The following TPO variants were observed in gnomAD, a reference collection of about 807,000 sequenced individuals.
TPO encodes thyroid peroxidase.
In TPO, 78 loss-of-function variants were observed where a neutral mutation model predicts 96.9. The observed-to-expected ratio is 0.81, with a 90% confidence interval of 0.67 to 0.97. The LOEUF is 0.97. TPO is among the 50% of genes least tolerant of loss of function. TPO has a pLI of 0.00. For missense variants in TPO, 1,252 were observed against 1,274.8 expected (o/e 0.98, Z 0.27); for synonymous variants, 547 against 538.0 (o/e 1.02, Z -0.23).
intron 1 of TPO, among the ~76,000 whole-genome samples, chr2:1,402,618 C>T (rs897857372): frequency 2.0e-5 from 3 of 152,052 alleles, no homozygotes; most frequent in Admixed American, 1.3e-4. Flanking sequence ...AGGTGAAAGG[C>T]ATGTCTTACA....
Position 1,542,533 on chromosome 2 carries a change from C to A in TPO, c.*59C>A. On this transcript the variant is annotated 3_prime_UTR_variant, in exon 17 of 17. Transcript: ENST00000329066. Reference sequence around the variant, plus strand: ...ATGTTCCCAAAATCACCGTACGACTCTTTTCCAAACACAGGCAAATCCGAA... The same window carrying A: ...ATGTTCCCAAAATCACCGTACGACTATTTTCCAAACACAGGCAAATCCGAA... 6.2e-7 allele frequency: 1 copy of A among 1,609,632 alleles called. No homozygotes were observed. The highest frequency in any genetic ancestry group is 8.5e-7 in the Non-Finnish European group (1 of 1,177,902).
At chr2:1,539,216 T>C (rs1044537767) in intron 15 of TPO, among the ~76,000 whole-genome samples, 1 of 152,212 alleles carries the variant, frequency 6.6e-6, no homozygotes, top group Non-Finnish European at 1.5e-5. Context: ...TGCTTTCACA[T>C]CGCACGAACA....
At chr2:1,457,667 A>G (rs1055384285) in intron 7 of TPO, among the ~76,000 whole-genome samples, 5 of 151,718 alleles carry the variant, frequency 3.3e-5, no homozygotes, top group African/African-American at 1.2e-4. Flanking sequence ...ACATGCATAT[A>G]TAGCATATAT....
At chr2:1,515,216 C>T (rs1226645095) in intron 14 of TPO, among the ~76,000 whole-genome samples, 6 of 152,250 alleles carry the variant, frequency 3.9e-5, no homozygotes, top group African/African-American at 1.4e-4. Context: ...GCCCCCACCT[C>T]TAGCAGCCAT....
At chr2:1,451,493 G>A (rs147871578) in intron 5 of TPO, among the ~76,000 whole-genome samples, 1 of 152,012 alleles carries the variant, frequency 6.6e-6, no homozygotes, top group African/African-American at 2.4e-5. Flanking sequence ...TTTTAAGTGT[G>A]TACATATCAG....
At chr2:1,471,164 T>G (rs1268278147) in intron 7 of TPO, among the ~76,000 whole-genome samples, 1 of 152,118 alleles carries the variant, frequency 6.6e-6, no homozygotes, top group African/African-American at 2.4e-5. Flanking sequence ...AAAATCAAAT[T>G]TGGGCTTTTT....
intron 7 of TPO, among the ~76,000 whole-genome samples, chr2:1,458,168 T>C (rs1668042435): frequency 6.6e-6 from 1 of 151,852 alleles, no homozygotes; most frequent in African/African-American, 2.4e-5. Context: ...GACACGTGTG[T>C]ATATAGGATA....
chr2:1,512,088 C>T (rs1024620435), intron 14 of TPO, among the ~76,000 whole-genome samples: 5 of 151,750 alleles, frequency 3.3e-5, no homozygotes, highest in Admixed American at 2.0e-4. Flanking sequence ...GACTGGAGTG[C>T]AGTGGCGCGA....
intron 5 of TPO, among the ~76,000 whole-genome samples, chr2:1,439,793 T>G (rs1665963068): frequency 6.6e-6 from 1 of 152,062 alleles, no homozygotes; most frequent in Non-Finnish European, 1.5e-5. Flanking sequence ...ATCCTCCCCA[T>G]CTGGGTGGCG....
rs756942420 is a variant in TPO at position 1,540,580 on chromosome 2, C to A, written c.2619-14C>A. The A allele has an allele frequency of 1.9e-6, 3 of 1,612,804 alleles. No individual in the cohort carries two copies. ...CGGACCCTCTCCCGATAACTGGACA[C>A]GTGTCTCCCACAGGACACGCACTGG... is the stretch of plus-strand genomic sequence containing the variant. On this transcript the variant is annotated splice_polypyrimidine_tract_variant and intron_variant, in intron 15 of 16. Coordinates refer to ENST00000329066, the MANE Select transcript of TPO (RefSeq NM_001206744.2).
intron 3 of TPO, among the ~76,000 whole-genome samples, chr2:1,424,206 C>G (rs559338469): frequency 6.6e-6 from 1 of 152,194 alleles, no homozygotes; most frequent in East Asian, 1.9e-4. Flanking sequence ...GCTTCCAGGT[C>G]ATAAGTAGAT....
intron 10 of TPO, among the ~76,000 whole-genome samples, chr2:1,490,601 G>C (rs10196514): frequency 1.3e-5 from 2 of 151,752 alleles, no homozygotes; most frequent in East Asian, 3.9e-4. Context: ...GCCGGACTGC[G>C]ATCACTTTCT....
chr2:1,498,712 C>T (rs1672592126), intron 13 of TPO, among the ~76,000 whole-genome samples: 1 of 152,212 alleles, frequency 6.6e-6, no homozygotes, highest in Non-Finnish European at 1.5e-5. Flanking sequence ...GTGATAGAAA[C>T]ACAACTACTC....
chr2:1,514,789 A>G (rs1290210557), intron 14 of TPO, among the ~76,000 whole-genome samples: 1 of 152,202 alleles, frequency 6.6e-6, no homozygotes, highest in East Asian at 1.9e-4. Context: ...TGGAGCAAAG[A>G]ATAAAGGAAA....
At position 1,423,141 on chromosome 2, in the gene TPO, G is replaced by C; in HGVS notation, c.179+12G>C. 6.2e-7 allele frequency: 1 copy of C among 1,612,696 alleles called. No individual in the cohort carries two copies. Among genetic ancestry groups the C allele is most frequent in the Non-Finnish European group, 8.5e-7 (1 of 1,179,866 alleles). On this transcript the variant is annotated intron_variant, in intron 3 of 16. Transcript: ENST00000329066. Reference sequence around the variant, plus strand: ...GCCACGATGCAGAGGTGAGCCTTGCGGAGGGGCCGCCGCCCCAAATGCCAC... The same window carrying C: ...GCCACGATGCAGAGGTGAGCCTTGCCGAGGGGCCGCCGCCCCAAATGCCAC...
chr2:1,382,710 C>T lies in TPO; in HGVS notation n.180+8308C>T, dbSNP rs190737059. Among the ~76,000 whole-genome samples, 49 of 152,066 alleles carry T rather than the reference C, an allele frequency of 3.2e-4. 1 individual carries two copies. The East Asian group carries it at 8.7e-3, about 27-fold the overall frequency. On this transcript the variant is annotated intron_variant and non_coding_transcript_variant, in intron 1 of 5. Coordinates refer to the TPO transcript ENST00000497517. ...ACATAGATATGTAAAGAAAAAGATG[C>T]TCTTTCTTTTTTTTAATATATATAT... is the stretch of plus-strand genomic sequence containing the variant.
At chr2:1,408,631 G>T (rs1235519270), upstream of TPO, among the ~76,000 whole-genome samples, 1 of 152,198 alleles carries the variant, frequency 6.6e-6, no homozygotes, top group African/African-American at 2.4e-5. Context: ...CACTCTGCCT[G>T]CAATAGCAGA....
chr2:1,495,811 G>A (rs537023984), intron 11 of TPO, among the ~76,000 whole-genome samples, 178 bp from the exon 12 acceptor site: 3 of 152,100 alleles, frequency 2.0e-5, no homozygotes, highest in Non-Finnish European at 4.4e-5. Context: ...CTGGGCAGAC[G>A]CCACAGGGTC....
chr2:1,493,900 C>G lies in TPO; in HGVS notation c.1867C>G (p.Leu623Val). The G allele has an allele frequency of 6.2e-7, 1 of 1,614,200 alleles. No individual in the cohort carries two copies. Among genetic ancestry groups the G allele is most frequent in the South Asian group, 1.1e-5 (1 of 91,088 alleles). The change falls in exon 11 of 17, where the codon CTG (leucine) becomes GTG (valine). Residue 623 changes from leucine to valine, a missense_variant. Coordinates refer to ENST00000329066, the MANE Select transcript of TPO (RefSeq NM_001206744.2). ...CAGCAGGAGCGTGGCCGACAAGATC[C>G]TGGACTTGTACAAGCATCCTGACAA... ...IASRSVADKI[L>V]DLYKHPDNID...
Sources: gnomAD v4.1 joint callset for allele counts (sites outside exome capture counted in the v4.1 genomes callset) on GRCh38, gnomAD v4.1.1 for gene constraint, MANE v1.5 for transcripts, NCBI Gene and HGNC (gene_info 2026-07-23, HGNC 2026-07-21) for gene names.